Variants in ZSWIM5 observed in about 807,000 individuals in gnomAD.
The protein encoded by ZSWIM5 is zinc finger SWIM-type containing 5.
Under a neutral mutation model 119.6 loss-of-function variants are expected in ZSWIM5, and 55 were observed. The observed-to-expected ratio is 0.46, with a 90% confidence interval of 0.37 to 0.58. ZSWIM5 has a LOEUF of 0.58. Among genes scored for constraint, ZSWIM5 ranks in the 20% least tolerant of loss-of-function variants. ZSWIM5 has a pLI of 0.00. For missense variants in ZSWIM5, 1,193 were observed against 1,512.8 expected, an observed-to-expected ratio of 0.79 and a Z score of 3.51; for synonymous variants, 537 against 606.9, an observed-to-expected ratio of 0.88 and a Z score of 1.69.
chr1:45,030,341 A>T (rs1419744599), intron 11 of ZSWIM5, among the ~76,000 whole-genome samples: 1 of 151,504 alleles, frequency 6.6e-6, no homozygotes, highest in East Asian at 1.9e-4. Flanking sequence ...TCTGCCTCCC[A>T]GTTCAAGTGA....
At chr1:45,144,882 G>C (rs1267397285) in intron 1 of ZSWIM5, among the ~76,000 whole-genome samples, 1 of 152,064 alleles carries the variant, frequency 6.6e-6, no homozygotes, top group African/African-American at 2.4e-5. Flanking sequence ...GAAGAAACAA[G>C]CCACAGACTG....
chr1:45,138,662 A>G (rs1645704651), intron 1 of ZSWIM5, among the ~76,000 whole-genome samples: 1 of 152,094 alleles, frequency 6.6e-6, no homozygotes, highest in Non-Finnish European at 1.5e-5. Context: ...AGGCATGATT[A>G]ATTAAATCAT....
At chr1:45,063,424 G>A (rs1645164500) in intron 2 of ZSWIM5, among the ~76,000 whole-genome samples, 1 of 152,174 alleles carries the variant, frequency 6.6e-6, no homozygotes, top group African/African-American at 2.4e-5. Flanking sequence ...CTGCTCAAAA[G>A]TATTCAGTCA....
At chr1:45,070,392 TC>T (rs1645214532) in intron 2 of ZSWIM5, 3 of 1,425,086 alleles carry the variant, frequency 2.1e-6, no homozygotes, top group Non-Finnish European at 3.0e-6. Flanking sequence ...GTTAGGACAT[TC>T]GAGCACAAAG....
At chr1:45,182,332 A>G (rs1380629411) in intron 1 of ZSWIM5, among the ~76,000 whole-genome samples, 1 of 151,650 alleles carries the variant, frequency 6.6e-6, no homozygotes, top group African/African-American at 2.4e-5. Context: ...TGAACCCAGA[A>G]GGCGGAGCTT....
chr1:45,088,292 T>A lies in ZSWIM5; in HGVS notation c.596-55A>T. ...GAGATTCTAGAGTAATAAACTTAGATTCTCATTTTACATGTAAATTCATCA... is the reference window on the plus strand; with the variant it reads ...GAGATTCTAGAGTAATAAACTTAGAATCTCATTTTACATGTAAATTCATCA... On this transcript the variant is annotated intron_variant, in intron 1 of 13. Coordinates refer to ENST00000359600, the MANE Select transcript of ZSWIM5 (RefSeq NM_020883.2). The surrounding 1 kb of genome is among the most constrained non-coding windows in gnomAD (Gnocchi z 4.2). 7.8e-7 allele frequency: 1 copy of A among 1,283,616 alleles called. No homozygotes were observed. Among genetic ancestry groups the A allele is most frequent in the Non-Finnish European group, 1.1e-6 (1 of 930,070 alleles). 79.5% of individuals were successfully genotyped at this position (1,283,616 alleles called of 1,614,324 possible).
At chr1:45,095,615 G>A (rs982642326) in intron 1 of ZSWIM5, among the ~76,000 whole-genome samples, 1 of 152,060 alleles carries the variant, frequency 6.6e-6, no homozygotes, top group African/African-American at 2.4e-5. Context: ...TTACTTCACA[G>A]GCTGTGTTGC....
intron 1 of ZSWIM5, among the ~76,000 whole-genome samples, chr1:45,187,997 T>C (rs969413532): frequency 2.0e-5 from 3 of 152,206 alleles, no homozygotes; most frequent in African/African-American, 4.8e-5. Context: ...CATACATTGA[T>C]AGTAGAATTA....
Position 45,016,684 on chromosome 1 carries a change from C to T in ZSWIM5, c.*1770G>A, listed in dbSNP as rs1166444111. 5.3e-5 allele frequency: 8 copies of T among 152,228 alleles called. No individual in the cohort carries two copies. Among genetic ancestry groups the T allele is most frequent in the Admixed American group, 4.6e-4 (7 of 15,286 alleles). 9.4% of individuals were successfully genotyped at this position (152,228 alleles called of 1,614,324 possible). On this transcript the variant is annotated 3_prime_UTR_variant, in exon 14 of 14. Transcript: ENST00000359600. ...AGCAGATGGAGAAGTTCTTAGTTCA[C>T]ATTCTAGCTATACCACCCCTTCCCT...
chr1:45,165,099 A>C (rs1645892847), intron 1 of ZSWIM5, among the ~76,000 whole-genome samples: 1 of 152,086 alleles, frequency 6.6e-6, no homozygotes, highest in South Asian at 2.1e-4. Flanking sequence ...AAAAGAACAG[A>C]AATTATAACA....
At chr1:45,154,744 T>C (rs1283895254) in intron 1 of ZSWIM5, among the ~76,000 whole-genome samples, 2 of 152,096 alleles carry the variant, frequency 1.3e-5, no homozygotes, top group Non-Finnish European at 1.5e-5. Context: ...TAGCCAGGCA[T>C]GATGGCAGGC....
intron 1 of ZSWIM5, among the ~76,000 whole-genome samples, chr1:45,122,951 A>G (rs1645601868): frequency 1.3e-5 from 2 of 152,134 alleles, no homozygotes; most frequent in African/African-American, 4.8e-5. Flanking sequence ...CAGGACTTTC[A>G]CTACCCAGTG....
At chr1:45,146,361 TATC>T (rs1301925669) in intron 1 of ZSWIM5, among the ~76,000 whole-genome samples, 3 of 131,870 alleles carry the variant, frequency 2.3e-5, no homozygotes, top group Non-Finnish European at 5.0e-5. Flanking sequence ...CAAAAGCAAA[TATC>T]ATGTCATCAA....
chr1:45,145,595 A>G (rs571727294), intron 1 of ZSWIM5, among the ~76,000 whole-genome samples: 40 of 152,168 alleles, frequency 2.6e-4, no homozygotes, highest in African/African-American at 9.6e-4. Context: ...TTCCATTTAT[A>G]TAACATTCTT....
intron 10 of ZSWIM5, 44 bp from the exon 11 acceptor site, chr1:45,034,513 G>A: frequency 6.5e-7 from 1 of 1,550,062 alleles, no homozygotes; most frequent in Non-Finnish European, 8.7e-7. Context: ...CCAGACCCTG[G>A]GCTTCCGAGC....
intron 2 of ZSWIM5, among the ~76,000 whole-genome samples, chr1:45,082,165 A>G (rs562931623): frequency 6.6e-6 from 1 of 151,542 alleles, no homozygotes; most frequent in African/African-American, 2.4e-5. Flanking sequence ...CCCTAATCTC[A>G]AGTACCCAGG....
intron 1 of ZSWIM5, among the ~76,000 whole-genome samples, chr1:45,096,012 T>C (rs1416239450): frequency 6.6e-6 from 1 of 152,192 alleles, no homozygotes; most frequent in Non-Finnish European, 1.5e-5. Flanking sequence ...AACTACTTTA[T>C]AAAAGACGTT....
intron 1 of ZSWIM5, among the ~76,000 whole-genome samples, chr1:45,144,076 A>T (rs1170926179): frequency 6.6e-6 from 1 of 152,174 alleles, no homozygotes; most frequent in Non-Finnish European, 1.5e-5. Context: ...CCTAAACTTG[A>T]TATATAGGTT....
At chr1:45,096,554 G>T (rs3124589) in intron 1 of ZSWIM5, among the ~76,000 whole-genome samples, 1 of 135,410 alleles carries the variant, frequency 7.4e-6, no homozygotes, top group South Asian at 2.4e-4. Flanking sequence ...ACACACACAC[G>T]CACACACACA....
Sources: allele counts gnomAD v4.1 joint callset (sites outside exome capture counted in the v4.1 genomes callset), GRCh38; gene constraint gnomAD v4.1.1; non-coding constraint Gnocchi (gnomAD v3.1); transcripts MANE v1.5; gene names NCBI Gene and HGNC (gene_info 2026-07-23, HGNC 2026-07-21).